SMOC2: variants seen among roughly 807,000 people sequenced by gnomAD.
SMOC2 encodes SPARC-related modular calcium-binding protein 2.
SMOC2 carries 39 observed loss-of-function variants against 61.4 expected under a neutral mutation model. The ratio of observed to expected loss-of-function variants is 0.64; its 90% CI spans 0.49 to 0.83. The LOEUF (loss-of-function observed/expected upper bound fraction) is 0.83, where lower values mean the gene tolerates loss of function less well. Ranked by LOEUF, SMOC2 falls within the 40% of genes least tolerant of loss-of-function variation. The pLI is 0.00. For missense variants in SMOC2, 556 were observed against 592.9 expected, an observed-to-expected ratio of 0.94 and a Z score of 0.65; for synonymous variants, 247 against 239.9, an observed-to-expected ratio of 1.03 and a Z score of -0.27.
intron 11 of SMOC2, among the ~76,000 whole-genome samples, chr6:168,663,634 A>G (rs562030170): frequency 6.6e-6 from 1 of 152,340 alleles, no homozygotes; most frequent in South Asian, 2.1e-4. Context: ...TCCAGTACTC[A>G]TAATTTGTGT....
At chr6:168,627,795 C>G (rs1343639804) in intron 9 of SMOC2, among the ~76,000 whole-genome samples, 1 of 152,166 alleles carries the variant, frequency 6.6e-6, no homozygotes, top group Non-Finnish European at 1.5e-5. Context: ...TGCAAGGGAT[C>G]CTTTCAAACT....
intron 7 of SMOC2, among the ~76,000 whole-genome samples, chr6:168,560,307 G>A (rs1046724965): frequency 1.3e-5 from 2 of 152,192 alleles, no homozygotes; most frequent in African/African-American, 2.4e-5. Context: ...AAGGGCAAAC[G>A]AAGAAGTCAT....
chr6:168,590,988 TA>T (rs1785168691), intron 7 of SMOC2, among the ~76,000 whole-genome samples: 1 of 152,218 alleles, frequency 6.6e-6, no homozygotes, highest in South Asian at 2.1e-4. Context: ...TTAAAATTTA[TA>T]GAAGTAAATT....
chr6:168,587,730 G>A (rs1785075548), intron 7 of SMOC2, among the ~76,000 whole-genome samples: 1 of 152,176 alleles, frequency 6.6e-6, no homozygotes, highest in South Asian at 2.1e-4. Context: ...TTTCCTGCAG[G>A]CAAACAGCGA....
In SMOC2 at chr6:168,666,484, C is replaced by T; in HGVS notation, c.*46C>T. ...AGTTCCTAGACACATGGGAAATTTC[C>T]CTCACCAAAGAGCAATTAAGAAAAC... On this transcript the variant is annotated 3_prime_UTR_variant, in exon 13 of 13. Transcript: ENST00000356284. 6.2e-7 allele frequency: 1 copy of T among 1,607,470 alleles called. No homozygotes were observed. Among genetic ancestry groups the T allele is most frequent in the Non-Finnish European group, 8.5e-7 (1 of 1,174,772 alleles).
At chr6:168,527,497 C>A in intron 3 of SMOC2, 131 bp from the exon 4 acceptor site, 1 of 655,440 alleles carries the variant, frequency 1.5e-6, no homozygotes. Flanking sequence ...TCAAATGCAG[C>A]CACAGAAGTA....
intron 7 of SMOC2, among the ~76,000 whole-genome samples, chr6:168,573,039 T>C (rs369490392): frequency 6.1e-4 from 50 of 81,698 alleles, no homozygotes; most frequent in South Asian, 1.0e-3. Context: ...GCGATGTTCA[T>C]TTCCTCCCCG....
rs751937490 is a variant in SMOC2, at chr6:168,452,985, C to T, written c.84+11531C>T. Among the ~76,000 whole-genome samples the T allele has an allele frequency of 6.6e-6, 1 of 152,176 alleles. No homozygotes were observed. The highest frequency in any genetic ancestry group is 1.5e-5 in the Non-Finnish European group (1 of 68,044). ...GCTCTGACAGCAGGGGCAGGACGCC[C>T]TCCTCCCAGTGGCTCTGACAGCAGG... On this transcript the variant is annotated intron_variant, in intron 1 of 12. Coordinates refer to ENST00000356284, the MANE Select transcript of SMOC2 (RefSeq NM_001166412.2). This position sits in a 1 kb window ranked among gnomAD's most constrained non-coding sequence, Gnocchi z 5.0.
chr6:168,441,400 G>T lies in SMOC2; in HGVS notation c.30G>T (p.Pro10=), dbSNP rs1196542008. 1.3e-6 allele frequency: 2 copies of T among 1,509,316 alleles called. No homozygotes were observed. The highest frequency in any genetic ancestry group is 1.8e-6 in the Non-Finnish European group (2 of 1,133,784). The allele number at this position is 1,509,316 out of a possible 1,614,324, so 93.5% of individuals were successfully genotyped here. A position where few individuals can be genotyped will look rare whatever the true frequency, so the allele number is the denominator to read the frequency against. Residue 10 remains proline (P), a synonymous_variant, in exon 1 of 13, where the codon CCG becomes CCT. Coordinates refer to ENST00000356284, the MANE Select transcript of SMOC2 (RefSeq NM_001166412.2). MLLPQLCWL[P]LLAGLLPPVP... The stretch of plus-strand genomic sequence containing the variant: ...TGCTCCCCCAGCTCTGCTGGCTGCC[G>T]CTGCTCGCTGGGCTGCTCCCGCCGG...
chr6:168,534,819 T>A lies in SMOC2; in HGVS notation c.463+7092T>A, dbSNP rs150090823. ...CTGTAAAATGGCCCTTTGTTGCACCTCATCTACAAGTGACTTTTCGCTCCT... is the reference window on the plus strand; with the variant it reads ...CTGTAAAATGGCCCTTTGTTGCACCACATCTACAAGTGACTTTTCGCTCCT... On this transcript the variant is annotated intron_variant, in intron 4 of 12. Coordinates refer to ENST00000356284, the MANE Select transcript of SMOC2 (RefSeq NM_001166412.2). Among the ~76,000 whole-genome samples the A allele has an allele frequency of 1.7e-3, 263 of 152,266 alleles. 3 individuals carry two copies. The East Asian group carries it at 0.04, about 23-fold the overall frequency.
At chr6:168,628,974 C>T (rs376499671) in intron 9 of SMOC2, among the ~76,000 whole-genome samples, 7 of 152,230 alleles carry the variant, frequency 4.6e-5, no homozygotes, top group African/African-American at 7.2e-5. Flanking sequence ...ACATGGGCTG[C>T]GCAGGGGTTC....
At chr6:168,515,566 G>A (rs1023843850) in intron 2 of SMOC2, among the ~76,000 whole-genome samples, 4 of 152,286 alleles carry the variant, frequency 2.6e-5, no homozygotes, top group Non-Finnish European at 5.9e-5. Context: ...AAGCAGCCTC[G>A]CACCTGCATC....
chr6:168,589,405 A>G (rs1461772703), intron 7 of SMOC2, among the ~76,000 whole-genome samples: 2 of 152,274 alleles, frequency 1.3e-5, no homozygotes, highest in African/African-American at 2.4e-5. Context: ...CATCCATTCA[A>G]CCACGCAGCT....
chr6:168,494,363 C>T (rs1191814335), intron 1 of SMOC2, among the ~76,000 whole-genome samples: 1 of 152,174 alleles, frequency 6.6e-6, no homozygotes, highest in African/African-American at 2.4e-5. Context: ...TAATGCGCAC[C>T]CAACCAGTAA....
chr6:168,518,485 ATG>A lies in SMOC2; in HGVS notation c.257-7858_257-7857del, dbSNP rs200694026. Among the ~76,000 whole-genome samples the A allele has an allele frequency of 7.0e-3, 701 of 100,200 alleles. 9 individuals carry two copies. The highest frequency in any genetic ancestry group is 0.054 in the East Asian group (167 of 3,104). The allele number at this position is 100,200 out of a possible 152,430, so 65.7% of individuals were successfully genotyped here. On this transcript the variant is annotated intron_variant, in intron 2 of 12. Transcript: ENST00000356284. Reference sequence around the variant, plus strand: ...TATTCATGTGCCTGTGAGTGTACATATGTGAGTGTGCATGTGTGAATGTGTGT... The same window carrying A: ...TATTCATGTGCCTGTGAGTGTACATATGAGTGTGCATGTGTGAATGTGTGT...
chr6:168,451,265 C>T (rs1245592694), intron 1 of SMOC2, among the ~76,000 whole-genome samples: 1 of 152,160 alleles, frequency 6.6e-6, no homozygotes, highest in Admixed American at 6.5e-5. Context: ...AAATGTTACT[C>T]TAAAAGCTTA....
intron 7 of SMOC2, among the ~76,000 whole-genome samples, chr6:168,583,937 C>T (rs1327434248): frequency 1.3e-5 from 2 of 152,234 alleles, no homozygotes; most frequent in East Asian, 1.9e-4. Flanking sequence ...AGGCTGTGCA[C>T]AGGCGAGGAA....
chr6:168,664,767 C>A, intron 12 of SMOC2: 1 of 471,152 alleles, frequency 2.1e-6, no homozygotes, highest in South Asian at 1.5e-5. Context: ...AGACCCAAAG[C>A]CACAACCCAT....
intron 9 of SMOC2, among the ~76,000 whole-genome samples, chr6:168,614,786 C>T (rs373560518): frequency 2.5e-5 from 1 of 39,576 alleles, no homozygotes; most frequent in African/African-American, 9.9e-5. Flanking sequence ...CCTCTTCACA[C>T]CTACAGCCAG....
Sources: gnomAD v4.1 joint callset for allele counts (sites outside exome capture counted in the v4.1 genomes callset) on GRCh38, gnomAD v4.1.1 for gene constraint, Gnocchi (gnomAD v3.1) non-coding constraint, MANE v1.5 for transcripts, NCBI Gene and HGNC (gene_info 2026-07-23, HGNC 2026-07-21) for gene names.